Variants in PARM1 observed in about 807,000 individuals in gnomAD.
PARM1 encodes WSC4, cell wall integrity and stress response component 4 homolog.
PARM1 carries 14 observed loss-of-function variants against 24.6 expected under a neutral mutation model. The ratio of observed to expected loss-of-function variants is 0.57; its 90% CI spans 0.38 to 0.89. The LOEUF (loss-of-function observed/expected upper bound fraction) is 0.89, where lower values mean the gene tolerates loss of function less well. Ranked by LOEUF, PARM1 falls within the 40% of genes least tolerant of loss-of-function variation. The pLI is 0.00. For synonymous variants in PARM1, 179 were observed against 156.6 expected, an observed-to-expected ratio of 1.14 and a Z score of -1.07; for missense variants, 362 against 380.4, an observed-to-expected ratio of 0.95 and a Z score of 0.40.
intron 1 of PARM1, among the ~76,000 whole-genome samples, chr4:74,978,842 C>A (rs543216071): frequency 6.6e-6 from 1 of 152,260 alleles, no homozygotes; most frequent in Admixed American, 6.5e-5. Flanking sequence ...AATTGAACAA[C>A]CTGCTCCTGA....
At chr4:74,985,272 A>G (rs938254297) in intron 1 of PARM1, among the ~76,000 whole-genome samples, 3 of 152,210 alleles carry the variant, frequency 2.0e-5, no homozygotes, top group African/African-American at 7.2e-5. Context: ...CTGAGGAGTT[A>G]GTAGTCATAT....
At chr4:75,033,491 C>A (rs1362304094) in intron 2 of PARM1, among the ~76,000 whole-genome samples, 2 of 152,032 alleles carry the variant, frequency 1.3e-5, no homozygotes, top group African/African-American at 4.8e-5. Flanking sequence ...TGAGGCAGAG[C>A]CCATAAAAGA....
At chr4:74,965,889 C>T (rs1721891603) in intron 1 of PARM1, among the ~76,000 whole-genome samples, 1 of 152,046 alleles carries the variant, frequency 6.6e-6, no homozygotes, top group African/African-American at 2.4e-5. Flanking sequence ...CAATGGAGTA[C>T]CTAGATGAAA....
intron 1 of PARM1, among the ~76,000 whole-genome samples, chr4:75,006,613 G>A (rs1315556039): frequency 6.6e-6 from 1 of 152,120 alleles, no homozygotes; most frequent in Non-Finnish European, 1.5e-5. Context: ...ACATGTGCAT[G>A]TGTCTTTATA....
At chr4:74,981,694 G>T (rs1722259014) in intron 1 of PARM1, among the ~76,000 whole-genome samples, 1 of 151,920 alleles carries the variant, frequency 6.6e-6, no homozygotes, top group African/African-American at 2.4e-5. Flanking sequence ...GGCCAAGATG[G>T]TGAAACCCCG....
intron 2 of PARM1, among the ~76,000 whole-genome samples, chr4:75,028,304 T>C (rs1324599251): frequency 6.6e-6 from 1 of 152,230 alleles, no homozygotes; most frequent in African/African-American, 2.4e-5. Context: ...CACAGAGTTC[T>C]AACTGTCAAG....
chr4:75,006,703 T>C (rs1260292003), intron 1 of PARM1, among the ~76,000 whole-genome samples: 2 of 152,180 alleles, frequency 1.3e-5, no homozygotes, highest in African/African-American at 4.8e-5. Context: ...TTCTAGATCC[T>C]TGAGGAATCG....
chr4:74,983,896 G>A (rs62314876), intron 1 of PARM1, among the ~76,000 whole-genome samples: 50,156 of 151,820 alleles, frequency 0.33, 10,406 homozygotes, highest in Non-Finnish European at 0.46. Context: ...GTCTCGCTAC[G>A]TTGCCAGGCT....
At chr4:75,002,455 A>ATT (rs34718906) in intron 1 of PARM1, among the ~76,000 whole-genome samples, 1 of 146,460 alleles carries the variant, frequency 6.8e-6, no homozygotes, top group African/African-American at 2.5e-5. Context: ...TCCCATGAGA[A>ATT]TTTTTTTTTT....
At chr4:75,020,504 C>T (rs1369906764) in intron 2 of PARM1, among the ~76,000 whole-genome samples, 1 of 149,090 alleles carries the variant, frequency 6.7e-6, no homozygotes, top group Non-Finnish European at 1.5e-5. Context: ...CCCCCCCCCG[C>T]ACCCATCTCC....
chr4:75,001,851 G>A (rs1452095975), intron 1 of PARM1, among the ~76,000 whole-genome samples: 1 of 152,202 alleles, frequency 6.6e-6, no homozygotes, highest in Non-Finnish European at 1.5e-5. Flanking sequence ...TTGTGGAGAT[G>A]TGTTTGCACT....
chr4:74,964,544 C>G (rs1285887068), intron 1 of PARM1, among the ~76,000 whole-genome samples: 1 of 149,996 alleles, frequency 6.7e-6, no homozygotes, highest in African/African-American at 2.5e-5. Flanking sequence ...TCCTTCCACA[C>G]CTGGCAAAGC....
chr4:75,036,636 T>A (rs1169464434), intron 3 of PARM1, among the ~76,000 whole-genome samples: 2 of 152,224 alleles, frequency 1.3e-5, no homozygotes, highest in African/African-American at 4.8e-5. Flanking sequence ...GACACAGTTC[T>A]GCCATCACAG....
At chr4:74,962,166 G>A (rs1052027560) in intron 1 of PARM1, among the ~76,000 whole-genome samples, 1 of 152,142 alleles carries the variant, frequency 6.6e-6, no homozygotes, top group Admixed American at 6.5e-5. Flanking sequence ...AAAAAGAGGT[G>A]GGAGTGGAGC....
intron 1 of PARM1, among the ~76,000 whole-genome samples, chr4:74,976,278 A>T (rs1722137280): frequency 6.6e-6 from 1 of 152,184 alleles, no homozygotes; most frequent in South Asian, 2.1e-4. Flanking sequence ...GTGCCAGGGA[A>T]GCTGGGCAGT....
intron 1 of PARM1, among the ~76,000 whole-genome samples, chr4:74,936,444 T>TCTG (rs1553967291): frequency 8.4e-4 from 11 of 13,030 alleles, no homozygotes; most frequent in Non-Finnish European, 3.3e-3. Context: ...AAGTGTTTTT[T>TCTG]TTTTGTTTGT....
chr4:75,021,424 T>A (rs1723086980), intron 2 of PARM1, among the ~76,000 whole-genome samples: 1 of 152,162 alleles, frequency 6.6e-6, no homozygotes, highest in Non-Finnish European at 1.5e-5. Flanking sequence ...CACTCATATT[T>A]TTTTCTTTTG....
chr4:74,977,251 T>C (rs953879988), intron 1 of PARM1, among the ~76,000 whole-genome samples: 2 of 152,124 alleles, frequency 1.3e-5, no homozygotes, highest in Admixed American at 6.6e-5. Flanking sequence ...ATAACCAGTT[T>C]AGAGAGGAAC....
At chr4:74,949,462 G>A (rs1285317902) in intron 1 of PARM1, among the ~76,000 whole-genome samples, 2 of 152,002 alleles carry the variant, frequency 1.3e-5, no homozygotes, top group Admixed American at 6.6e-5. Flanking sequence ...ACAGGTGCCC[G>A]CCACCACGCC....
Sources: gnomAD v4.1 joint callset for allele counts (sites outside exome capture counted in the v4.1 genomes callset) on GRCh38, gnomAD v4.1.1 for gene constraint, MANE v1.5 for transcripts, NCBI Gene and HGNC (gene_info 2026-07-23, HGNC 2026-07-21) for gene names.